The following LRP1B variants were observed in gnomAD, a reference collection of about 807,000 sequenced individuals.
LRP1B encodes low-density lipoprotein receptor-related protein 1B.
Under a neutral mutation model 556.6 loss-of-function variants are expected in LRP1B, and 217 were observed. That is an observed-to-expected ratio of 0.39 (90% CI 0.35 to 0.44). The LOEUF (loss-of-function observed/expected upper bound fraction) is 0.44, where lower values mean the gene tolerates loss of function less well. Among genes scored for constraint, LRP1B ranks in the 20% least tolerant of loss-of-function variants. The probability of loss-of-function intolerance (pLI) is 1.00; values close to 1 mark genes in which losing one functional copy is unlikely to be tolerated. For missense variants in LRP1B, 5,053 were observed against 5,620.8 expected (o/e 0.90, Z 3.23); for synonymous variants, 2,047 against 1,865.8 (o/e 1.10, Z -2.50).
At chr2:141,631,566 T>G (rs1688910716) in intron 2 of LRP1B, among the ~76,000 whole-genome samples, 1 of 143,436 alleles carries the variant, frequency 7.0e-6, no homozygotes. Flanking sequence ...AAAGGGGAAA[T>G]TCACAGCAAT....
chr2:141,979,808 G>A (rs1044999942), intron 1 of LRP1B, among the ~76,000 whole-genome samples: 2 of 152,024 alleles, frequency 1.3e-5, no homozygotes, highest in African/African-American at 4.8e-5. Flanking sequence ...TACCAAATTG[G>A]ATGAGGAAAA....
chr2:140,697,683 C>T (rs529605516), intron 41 of LRP1B, among the ~76,000 whole-genome samples: 15 of 152,010 alleles, frequency 9.9e-5, no homozygotes, highest in African/African-American at 2.4e-4. Context: ...ACAAGCCAGG[C>T]GCAAAGGACA....
chr2:140,825,434 T>C (rs1691468951), intron 31 of LRP1B, among the ~76,000 whole-genome samples: 1 of 152,142 alleles, frequency 6.6e-6, no homozygotes, highest in Non-Finnish European at 1.5e-5. Flanking sequence ...GTCCTTTTTT[T>C]TTTTAGTTTT....
chr2:140,982,011 G>C, intron 18 of LRP1B, 149 bp downstream of exon 18: 2 of 571,704 alleles, frequency 3.5e-6, no homozygotes, highest in Admixed American at 3.1e-5. Flanking sequence ...CGCACAATCA[G>C]GTCCAAAAGT....
chr2:141,899,605 C>T (rs1271734159), intron 1 of LRP1B, among the ~76,000 whole-genome samples: 1 of 152,074 alleles, frequency 6.6e-6, no homozygotes, highest in Non-Finnish European at 1.5e-5. Flanking sequence ...CTTCATACCT[C>T]TGGAAAATAC....
chr2:140,407,791 A>G (rs1268296634), intron 66 of LRP1B, among the ~76,000 whole-genome samples: 1 of 152,004 alleles, frequency 6.6e-6, no homozygotes, highest in East Asian at 1.9e-4. Flanking sequence ...AGAACTAAGA[A>G]CAGATCTGCC....
intron 71 of LRP1B, among the ~76,000 whole-genome samples, chr2:140,368,053 G>T (rs1490621908): frequency 1.3e-5 from 2 of 151,686 alleles, no homozygotes; most frequent in Non-Finnish European, 2.9e-5. Flanking sequence ...ACTTGATGTT[G>T]TACTCCAAAA....
At chr2:141,032,545 C>T (rs983128009) in intron 11 of LRP1B, among the ~76,000 whole-genome samples, 1 of 151,870 alleles carries the variant, frequency 6.6e-6, no homozygotes, top group Non-Finnish European at 1.5e-5. Flanking sequence ...GAAAACTATT[C>T]TGTTGATTTA....
At chr2:141,851,091 A>T (rs565201183) in intron 1 of LRP1B, among the ~76,000 whole-genome samples, 1 of 140,466 alleles carries the variant, frequency 7.1e-6, no homozygotes, top group African/African-American at 2.7e-5. Flanking sequence ...GGGTGACTTG[A>T]ATTCCCTTGT....
intron 43 of LRP1B, among the ~76,000 whole-genome samples, chr2:140,582,881 A>T (rs1263313267): frequency 6.6e-6 from 1 of 152,196 alleles, no homozygotes; most frequent in East Asian, 1.9e-4. Context: ...CAGCAGGCCC[A>T]AATGCAAATG....
chr2:140,421,452 AT>A (rs960060251), intron 66 of LRP1B, among the ~76,000 whole-genome samples: 4 of 151,846 alleles, frequency 2.6e-5, no homozygotes, highest in Admixed American at 2.0e-4. Context: ...TACTGAATAC[AT>A]TTTTTTTCTT....
At chr2:141,616,925 C>A (rs537443320) in intron 2 of LRP1B, among the ~76,000 whole-genome samples, 1 of 152,268 alleles carries the variant, frequency 6.6e-6, no homozygotes, top group African/African-American at 2.4e-5. Flanking sequence ...CTCTTCAGTA[C>A]CTACAAATCA....
intron 2 of LRP1B, among the ~76,000 whole-genome samples, chr2:141,786,439 C>A (rs1015300253): frequency 1.3e-5 from 2 of 151,830 alleles, no homozygotes; most frequent in Non-Finnish European, 2.9e-5. Context: ...AAGCCGAAAA[C>A]CAATTTGAAT....
At chr2:141,313,878 TC>T (rs1398745604) in intron 3 of LRP1B, among the ~76,000 whole-genome samples, 1 of 151,886 alleles carries the variant, frequency 6.6e-6, no homozygotes, top group Non-Finnish European at 1.5e-5. Context: ...TTTTTTTTTT[TC>T]AAACACATCT....
At chr2:141,656,006 T>C (rs1357427207) in intron 2 of LRP1B, among the ~76,000 whole-genome samples, 1 of 152,180 alleles carries the variant, frequency 6.6e-6, no homozygotes, top group East Asian at 1.9e-4. Context: ...TGAACTCATT[T>C]AGTCATTATA....
At chr2:140,535,496 C>A (rs757209128) in intron 46 of LRP1B, among the ~76,000 whole-genome samples, 3 of 152,064 alleles carry the variant, frequency 2.0e-5, no homozygotes, top group African/African-American at 7.2e-5. Flanking sequence ...GTGGATCTCA[C>A]AGATTCTGTC....
intron 2 of LRP1B, among the ~76,000 whole-genome samples, chr2:141,501,018 A>G (rs1559107546): frequency 6.6e-6 from 1 of 152,094 alleles, no homozygotes; most frequent in Non-Finnish European, 1.5e-5. Flanking sequence ...CAATTTAATC[A>G]TTCACTCTAA....
intron 31 of LRP1B, 79 bp from the exon 32 acceptor site, chr2:140,813,885 G>A (rs2105037550): frequency 2.0e-6 from 2 of 1,019,226 alleles, no homozygotes; most frequent in South Asian, 1.6e-5. Context: ...TGGATTTGAG[G>A]GGAAAAAAAT....
At chr2:140,260,357 G>C (rs1031327353) in intron 86 of LRP1B, among the ~76,000 whole-genome samples, 1 of 151,728 alleles carries the variant, frequency 6.6e-6, no homozygotes, top group African/African-American at 2.4e-5. Flanking sequence ...AAAGAGAATA[G>C]TATTTAAAAA....
Sources: gnomAD v4.1 joint callset for allele counts (sites outside exome capture counted in the v4.1 genomes callset) on GRCh38, gnomAD v4.1.1 for gene constraint, MANE v1.5 for transcripts, NCBI Gene and HGNC (gene_info 2026-07-23, HGNC 2026-07-21) for gene names.